Variants in KIAA1217 observed in about 807,000 individuals in gnomAD.
KIAA1217 encodes the protein sickle tail protein homolog.
Under a neutral mutation model 163.9 loss-of-function variants are expected in KIAA1217, and 88 were observed. The ratio of observed to expected loss-of-function variants is 0.54; its 90% CI spans 0.45 to 0.64. The LOEUF is 0.64. KIAA1217 is among the 30% of genes least tolerant of loss of function. The pLI, the probability that KIAA1217 is intolerant of heterozygous loss-of-function variation, is 0.00. For missense variants in KIAA1217, 2,372 were observed against 2,475.0 expected, an observed-to-expected ratio of 0.96 and a Z score of 0.88; for synonymous variants, 903 against 923.1, an observed-to-expected ratio of 0.98 and a Z score of 0.39.
intron 1 of KIAA1217, among the ~76,000 whole-genome samples, chr10:23,980,223 A>G (rs1589176669): frequency 6.6e-6 from 1 of 152,244 alleles, no homozygotes; most frequent in South Asian, 2.1e-4. Context: ...GACACTCTCA[A>G]ACATGCTTGA....
At chr10:24,216,624 C>G (rs923385578) in intron 1 of KIAA1217, among the ~76,000 whole-genome samples, 3 of 151,608 alleles carry the variant, frequency 2.0e-5, no homozygotes, top group Non-Finnish European at 4.4e-5. Context: ...GTCAGGGGTT[C>G]GAGACCAGCC....
At chr10:23,852,489 G>T (rs950078792) in intron 1 of KIAA1217, among the ~76,000 whole-genome samples, 1 of 152,124 alleles carries the variant, frequency 6.6e-6, no homozygotes, top group African/African-American at 2.4e-5. Context: ...GATTGACTTG[G>T]CGATGCGGGC....
intron 1 of KIAA1217, among the ~76,000 whole-genome samples, chr10:23,900,738 G>A (rs898664507): frequency 2.0e-5 from 3 of 152,152 alleles, no homozygotes; most frequent in Admixed American, 1.3e-4. Context: ...TTTGTATATA[G>A]GAGGTAGGAA....
In KIAA1217 at chr10:24,545,951, G is replaced by A. The variant is rs1489435296; in HGVS notation, c.5459G>A (p.Gly1820Asp). 1.2e-6 allele frequency: 2 copies of A among 1,613,966 alleles called. No homozygotes were observed. Among genetic ancestry groups the A allele is most frequent in the Non-Finnish European group, 1.7e-6 (2 of 1,180,040 alleles). Residue 1820 changes from glycine to aspartate, a missense_variant, in exon 21 of 21, where the codon GGT (glycine) becomes GAT (aspartate). Gly to Asp is a moderately conservative substitution (Grantham distance 94, BLOSUM62 -1). This residue lies in a region of KIAA1217 where 690 missense variants were observed against 677.5 expected (regional missense o/e 1.02). Coordinates refer to ENST00000376454, the MANE Select transcript of KIAA1217 (RefSeq NM_019590.5). ...AGCAGTTCTCTGCCCTCTTCTAGTG[G>A]TGACAGCTCTAACCTCCCTAATCCA... ...GKSSSLPSSS[G>D]DSSNLPNPPA...
intron 2 of KIAA1217, among the ~76,000 whole-genome samples, chr10:24,096,833 C>G (rs2062182505): frequency 6.6e-6 from 1 of 152,132 alleles, no homozygotes; most frequent in Admixed American, 6.5e-5. Context: ...TTTATTTTTT[C>G]CTATCAACCC....
At chr10:24,491,178 G>T (rs761496178) in intron 6 of KIAA1217, among the ~76,000 whole-genome samples, 1 of 151,592 alleles carries the variant, frequency 6.6e-6, no homozygotes, top group Non-Finnish European at 1.5e-5. Context: ...AGATGACGTG[G>T]TCTGTGTTGT....
At chr10:24,079,979 C>T (rs2061488338) in intron 2 of KIAA1217, among the ~76,000 whole-genome samples, 1 of 152,152 alleles carries the variant, frequency 6.6e-6, no homozygotes, top group Non-Finnish European at 1.5e-5. Context: ...AATAAAGAGA[C>T]ACACAGAGAG....
chr10:24,491,365 C>T (rs1285301086), intron 6 of KIAA1217, among the ~76,000 whole-genome samples: 3 of 145,836 alleles, frequency 2.1e-5, no homozygotes, highest in Non-Finnish European at 3.0e-5. Flanking sequence ...TCTCTGCTCA[C>T]TGCAACTTCT....
intron 3 of KIAA1217, among the ~76,000 whole-genome samples, chr10:24,393,451 G>T (rs1439685532): frequency 6.6e-6 from 1 of 152,164 alleles, no homozygotes; most frequent in Non-Finnish European, 1.5e-5. Context: ...CTGCTTTCAT[G>T]CAGGACAGCA....
intron 1 of KIAA1217, among the ~76,000 whole-genome samples, chr10:23,968,382 T>A (rs1845161803): frequency 6.6e-6 from 1 of 152,218 alleles, no homozygotes; most frequent in African/African-American, 2.4e-5. Flanking sequence ...TCATTTCTTT[T>A]TCTTTCTTGG....
At chr10:24,118,944 T>C (rs1415126816) in intron 2 of KIAA1217, among the ~76,000 whole-genome samples, 1 of 152,168 alleles carries the variant, frequency 6.6e-6, no homozygotes, top group Non-Finnish European at 1.5e-5. Context: ...TCTTTGTTTT[T>C]TTTTCTCTTT....
chr10:24,483,846 G>A (rs2065009337), intron 6 of KIAA1217, among the ~76,000 whole-genome samples: 1 of 152,148 alleles, frequency 6.6e-6, no homozygotes, highest in Admixed American at 6.5e-5. Context: ...TGCAAAACAG[G>A]TGATTTCATA....
chr10:24,073,131 G>A (rs1249051957), intron 2 of KIAA1217, among the ~76,000 whole-genome samples: 1 of 151,928 alleles, frequency 6.6e-6, no homozygotes, highest in African/African-American at 2.4e-5. Context: ...CATTGACAAA[G>A]CAGAACCAAG....
intron 1 of KIAA1217, among the ~76,000 whole-genome samples, chr10:23,849,458 C>T (rs1020995405): frequency 6.6e-6 from 1 of 152,030 alleles, no homozygotes; most frequent in Admixed American, 6.6e-5. Context: ...TCTAAAATCA[C>T]CTGGAGTGGC....
At chr10:24,421,855 G>A (rs1195375047) in intron 3 of KIAA1217, among the ~76,000 whole-genome samples, 1 of 152,112 alleles carries the variant, frequency 6.6e-6, no homozygotes, top group African/African-American at 2.4e-5. Flanking sequence ...ATATATTGCT[G>A]TATTTGCTTT....
chr10:24,242,340 A>G (rs1345526970), intron 2 of KIAA1217, among the ~76,000 whole-genome samples: 2 of 152,202 alleles, frequency 1.3e-5, no homozygotes, highest in African/African-American at 4.8e-5. Flanking sequence ...AAGTGAGAAC[A>G]TGTGGTATTG....
intron 1 of KIAA1217, among the ~76,000 whole-genome samples, chr10:23,971,855 C>A (rs974738949): frequency 3.3e-5 from 5 of 152,120 alleles, no homozygotes; most frequent in African/African-American, 1.2e-4. Flanking sequence ...AAACTGCTAC[C>A]TGGAGGCTTC....
Position 23,965,754 on chromosome 10 carries a change from A to G in KIAA1217, c.-320-41471A>G, listed in dbSNP as rs150472585. Among the ~76,000 whole-genome samples, 331 of 152,234 alleles carry G rather than the reference A, an allele frequency of 2.2e-3. 1 individual carries two copies. The highest frequency in any genetic ancestry group is 7.4e-3 in the African/African-American group (306 of 41,522). On this transcript the variant is annotated intron_variant, in intron 1 of 18. Transcript: ENST00000376462. ...AGTGGGAATGCTGCCTTCTGTGGTGACCTGGAGTTATATAGGGCCCAGTTT... is the reference window on the plus strand; with the variant it reads ...AGTGGGAATGCTGCCTTCTGTGGTGGCCTGGAGTTATATAGGGCCCAGTTT...
chr10:24,043,916 A>C (rs1204142724), intron 2 of KIAA1217, among the ~76,000 whole-genome samples: 1 of 152,136 alleles, frequency 6.6e-6, no homozygotes, highest in Non-Finnish European at 1.5e-5. Flanking sequence ...GGATTAGTTC[A>C]AAGTCATTTA....
Sources: gnomAD v4.1 joint callset for allele counts (sites outside exome capture counted in the v4.1 genomes callset) on GRCh38, gnomAD v4.1.1 for gene constraint, gnomAD v4.1.1 regional missense constraint, MANE v1.5 for transcripts, NCBI Gene and HGNC (gene_info 2026-07-23, HGNC 2026-07-21) for gene names.